The following PRH1 variants were observed in gnomAD, a reference collection of about 807,000 sequenced individuals.
The protein encoded by PRH1 is salivary acidic proline-rich phosphoprotein 1/2.
Under a neutral mutation model 7.9 loss-of-function variants are expected in PRH1, and 7 were observed. The observed-to-expected ratio is 0.89, with a 90% confidence interval of 0.50 to 1.67. PRH1 has a LOEUF of 1.67. Among genes scored for constraint, PRH1 ranks in the 40% most tolerant of loss-of-function variants. PRH1 has a pLI of 0.00. For missense variants in PRH1, 109 were observed against 223.6 expected (o/e 0.49, Z 3.27); for synonymous variants, 45 against 80.8 (o/e 0.56, Z 2.38).
upstream of PRH1, among the ~76,000 whole-genome samples, chr12:10,888,945 T>C (rs1019420742): frequency 1.3e-5 from 2 of 152,214 alleles, no homozygotes; most frequent in Non-Finnish European, 2.9e-5. Context: ...CAAGGCTGAG[T>C]TTCCTCCTAG....
chr12:11,053,211 T>C (rs1407539981), intron 1 of PRH1, among the ~76,000 whole-genome samples: 4 of 115,230 alleles, frequency 3.5e-5, no homozygotes, highest in Admixed American at 8.9e-5. Context: ...AGATACATCA[T>C]TGTATTCCAT....
At chr12:11,112,681 A>T (rs1317765454) in intron 1 of PRH1, among the ~76,000 whole-genome samples, 13 of 152,152 alleles carry the variant, frequency 8.5e-5, no homozygotes, top group Admixed American at 8.5e-4. Flanking sequence ...TTTATGACAA[A>T]CCCACAGCCA....
At chr12:11,124,319 A>C (rs7298020) in intron 1 of PRH1, among the ~76,000 whole-genome samples, 28,733 of 149,482 alleles carry the variant, frequency 0.19, 3 homozygotes, top group Non-Finnish European at 0.2. Flanking sequence ...GAACTCCATC[A>C]TTACCTACAT....
At chr12:10,973,243 C>G (rs546686914) in intron 2 of PRH1, 2 of 152,908 alleles carry the variant, frequency 1.3e-5, no homozygotes, top group Non-Finnish European at 2.9e-5. Context: ...CTAGACTTCT[C>G]TACATGTGAT....
intron 1 of PRH1, chr12:10,996,988 C>G: frequency 6.2e-7 from 1 of 1,613,532 alleles, no homozygotes; most frequent in Non-Finnish European, 8.5e-7. Context: ...AGCAAGTCAC[C>G]TGCCACAAAA....
chr12:11,000,000 AT>A (rs1472733163), intron 1 of PRH1, among the ~76,000 whole-genome samples: 1 of 152,084 alleles, frequency 6.6e-6, no homozygotes, highest in Non-Finnish European at 1.5e-5. Context: ...TGGGCAGTCT[AT>A]TTTTGAGCTA....
At chr12:10,911,963 T>C (rs1398568050) in intron 2 of PRH1, among the ~76,000 whole-genome samples, 1 of 152,224 alleles carries the variant, frequency 6.6e-6, no homozygotes, top group African/African-American at 2.4e-5. Context: ...TTGTATATTT[T>C]AATTTGAATA....
intron 1 of PRH1, among the ~76,000 whole-genome samples, chr12:10,994,768 T>G (rs1008679119): frequency 3.3e-5 from 5 of 151,630 alleles, no homozygotes; most frequent in Non-Finnish European, 5.9e-5. Context: ...AAATAAAGAT[T>G]ATATTTTAGT....
chr12:11,008,764 T>C (rs1038766581), intron 1 of PRH1, among the ~76,000 whole-genome samples: 13 of 152,058 alleles, frequency 8.5e-5, no homozygotes, highest in African/African-American at 3.1e-4. Context: ...TATAATTATC[T>C]ATCCTTAGTT....
chr12:11,065,655 T>C (rs1162140541), intron 1 of PRH1, among the ~76,000 whole-genome samples: 1 of 119,758 alleles, frequency 8.4e-6, no homozygotes, highest in Non-Finnish European at 2.0e-5. Flanking sequence ...TCTCTTGCTA[T>C]AAATCATTTT....
rs562433266 is a variant in PRH1 at position 11,019,881 on chromosome 12, G to A, written c.-126+27139C>T. On this transcript the variant is annotated intron_variant, in intron 1 of 3. Coordinates refer to the PRH1 transcript ENST00000539853. ...CCCTAACATTCTTGTCATGGGGTCT[G>A]CTAGCCCCGAGCAGCTGGCACTCAC... Among the ~76,000 whole-genome samples the A allele has an allele frequency of 3.3e-5, 5 of 152,400 alleles. No individual in the cohort carries two copies. In the East Asian group the frequency reaches 9.6e-4, roughly 29 times the overall value.
At chr12:10,982,271 C>G (rs867894551) in intron 1 of PRH1, among the ~76,000 whole-genome samples, 5 of 152,158 alleles carry the variant, frequency 3.3e-5, no homozygotes. Flanking sequence ...CAGAATTGGT[C>G]GCTGCCACAA....
chr12:10,969,944 G>GC (rs1196048601), intron 2 of PRH1, among the ~76,000 whole-genome samples: 1 of 152,058 alleles, frequency 6.6e-6, no homozygotes, highest in Non-Finnish European at 1.5e-5. Context: ...GGGATTAAAG[G>GC]CATCCACCAC....
intron 1 of PRH1, among the ~76,000 whole-genome samples, chr12:11,026,847 G>A (rs566644117): frequency 3.9e-5 from 6 of 152,326 alleles, no homozygotes; most frequent in Admixed American, 2.0e-4. Flanking sequence ...CACCCATTAT[G>A]AGGAAAAATC....
intron 1 of PRH1, among the ~76,000 whole-genome samples, chr12:11,039,598 T>G (rs1256059687): frequency 2.0e-5 from 3 of 152,246 alleles, no homozygotes; most frequent in Admixed American, 6.5e-5. Context: ...ACACATTGGT[T>G]TTATTACCTG....
At chr12:10,988,839 C>T (rs765597520) in intron 1 of PRH1, among the ~76,000 whole-genome samples, 5 of 152,060 alleles carry the variant, frequency 3.3e-5, no homozygotes, top group Non-Finnish European at 5.9e-5. Flanking sequence ...CAGAGTCTCG[C>T]TCTATCACCC....
At chr12:10,883,549 A>G (rs1197953410) in intron 1 of PRH1, among the ~76,000 whole-genome samples, 4 of 152,168 alleles carry the variant, frequency 2.6e-5, no homozygotes, top group Non-Finnish European at 4.4e-5. Flanking sequence ...TCATCTGTAA[A>G]TATGTTGTTT....
At chr12:10,895,754 AG>A (rs1438026414) in intron 2 of PRH1, 1 of 152,228 alleles carries the variant, frequency 6.6e-6, no homozygotes, top group Admixed American at 6.5e-5. Flanking sequence ...AAAATCAATC[AG>A]GGAGACCTTT....
intron 1 of PRH1, among the ~76,000 whole-genome samples, chr12:11,040,984 TCA>T: frequency 6.6e-6 from 1 of 151,932 alleles, no homozygotes; most frequent in East Asian, 1.9e-4. Context: ...AGAAACTATA[TCA>T]TATCACCAGA....
Sources: gnomAD v4.1 joint callset for allele counts (sites outside exome capture counted in the v4.1 genomes callset) on GRCh38, gnomAD v4.1.1 for gene constraint, MANE v1.5 for transcripts, NCBI Gene and HGNC (gene_info 2026-07-23, HGNC 2026-07-21) for gene names.